WDR38: variants seen among roughly 807,000 people sequenced by gnomAD.
WDR38 encodes WD repeat domain 38.
Under a neutral mutation model 36.6 loss-of-function variants are expected in WDR38, and 37 were observed. The ratio of observed to expected loss-of-function variants is 1.01; its 90% CI spans 0.78 to 1.33. The LOEUF is 1.33. Among genes scored for constraint, WDR38 ranks in the 40% most tolerant of loss-of-function variants. The probability of loss-of-function intolerance (pLI) is 0.00; values close to 1 mark genes in which losing one functional copy is unlikely to be tolerated. For synonymous variants in WDR38, 164 were observed against 168.1 expected (o/e 0.98, Z 0.19); for missense variants, 411 against 414.6 (o/e 0.99, Z 0.07).
Position 124,857,695 on chromosome 9 carries a change from T to A in WDR38, c.*65T>A. ...CTCAGTGGCGCACAGGCATGCCGCT[T>A]CTCCCCACAGACGCAAAGTGACTGT... On this transcript the variant is annotated 3_prime_UTR_variant, in exon 9 of 9. Coordinates refer to ENST00000373574, the MANE Select transcript of WDR38 (RefSeq NM_001045476.3). The A allele has an allele frequency of 6.2e-7, 1 of 1,603,150 alleles. No individual in the cohort carries two copies.
chr9:124,853,831 T>C (rs1022440922), intron 1 of WDR38, among the ~76,000 whole-genome samples: 1 of 152,230 alleles, frequency 6.6e-6, no homozygotes, highest in Non-Finnish European at 1.5e-5. Context: ...AGCCCCGGGC[T>C]CTGGGCTCTG....
chr9:124,856,830 A>G lies in WDR38; in HGVS notation c.717A>G (p.Ile239Met). 6.2e-7 allele frequency: 1 copy of G among 1,614,214 alleles called. No homozygotes were observed. The highest frequency in any genetic ancestry group is 8.5e-7 in the Non-Finnish European group (1 of 1,180,032). Residue 239 changes from isoleucine to methionine, a missense_variant, in exon 7 of 9, where the codon ATA becomes ATG. Transcript: ENST00000373574. ...GCCATGTCACCTGGGTGAAGAGCAT[A>G]GCCTTCTCTCCCGACGAGCTGTGGC... Reference protein sequence around the residue: ...LKGHVTWVKSIAFSPDELWLA... With the variant: ...LKGHVTWVKSMAFSPDELWLA...
At position 124,855,661 on chromosome 9, in the gene WDR38, C is replaced by G. The variant is rs370110373; in HGVS notation, c.218C>G (p.Pro73Arg). The G allele has an allele frequency of 1.2e-6, 2 of 1,611,360 alleles. No individual in the cohort carries two copies. Among genetic ancestry groups the G allele is most frequent in the African/African-American group, 2.7e-5 (2 of 74,532 alleles). The change falls in exon 3 of 9, where the codon CCT (proline) becomes CGT (arginine). Residue 73 changes from proline to arginine, a missense_variant. Transcript: ENST00000373574. ...CCCGTGAAGTTCTGCCGCTTCTCCCCTGATGGCCACCTCTTCGCCAGCGCC... is the reference window on the plus strand; with the variant it reads ...CCCGTGAAGTTCTGCCGCTTCTCCCGTGATGGCCACCTCTTCGCCAGCGCC... ...TGPVKFCRFS[P>R]DGHLFASASC...
At chr9:124,856,178 A>T in intron 4 of WDR38, 62 bp from the exon 5 acceptor site, 1 of 1,605,336 alleles carries the variant, frequency 6.2e-7, no homozygotes, top group Non-Finnish European at 8.5e-7. Context: ...CCTTTCCTGG[A>T]CTGTCAAGGC....
At chr9:124,854,367 G>C (rs370776521) in intron 2 of WDR38, 42 bp downstream of exon 2, 33 of 1,609,192 alleles carry the variant, frequency 2.1e-5, no homozygotes, top group Middle Eastern at 1.7e-4. Context: ...AGGCACAAGG[G>C]TCTGGCATGC....
At chr9:124,856,990 G>A (rs762570768) in intron 7 of WDR38, 109 bp downstream of exon 7, 12 of 1,513,484 alleles carry the variant, frequency 7.9e-6, no homozygotes, top group South Asian at 3.5e-5. Flanking sequence ...TAGCTAGGAG[G>A]GGGCAAGGGC....
Position 124,857,554 on chromosome 9 carries a change from T to TAA in WDR38, c.870_871insAA (p.Val291LysfsTer?). 2.5e-6 allele frequency: 4 copies of TAA among 1,614,180 alleles called. No individual in the cohort carries two copies. Among genetic ancestry groups the TAA allele is most frequent in the Non-Finnish European group, 3.4e-6 (4 of 1,180,026 alleles). Reference sequence around the variant, plus strand: ...GCCTTCACCCCAGATGGGAAAATCTTAGTGTCTGGAGCTGCCGATCAGACT... The same window carrying TAA: ...GCCTTCACCCCAGATGGGAAAATCTTAAAGTGTCTGGAGCTGCCGATCAGACT... On this transcript the variant is annotated frameshift_variant, in exon 9 of 9. Transcript: ENST00000373574. LOFTEE classifies it low-confidence loss of function (END_TRUNC).
chr9:124,857,379 TGCAACACA>T lies in WDR38; in HGVS notation c.786_793del (p.Cys262TrpfsTer5). On this transcript the variant is annotated frameshift_variant, in exon 8 of 9. Coordinates refer to ENST00000373574, the MANE Select transcript of WDR38 (RefSeq NM_001045476.3). LOFTEE classifies it low-confidence loss of function (END_TRUNC). ...CCTTTTCCAGGTCAAAGTCTGGGACTGCAACACAGGAAAGTGCCTTGAGACCCTGAAGG... is the reference window on the plus strand; with the variant it reads ...CCTTTTCCAGGTCAAAGTCTGGGACTGGAAAGTGCCTTGAGACCCTGAAGG... 2 of 1,614,118 alleles carry T rather than the reference TGCAACACA, an allele frequency of 1.2e-6. No homozygotes were observed. Among genetic ancestry groups the T allele is most frequent in the South Asian group, 2.2e-5 (2 of 91,080 alleles).
In WDR38 at chr9:124,856,498, C is replaced by A; in HGVS notation, c.516C>A (p.His172Gln). 6.2e-7 allele frequency: 1 copy of A among 1,612,466 alleles called. No homozygotes were observed. Among genetic ancestry groups the A allele is most frequent in the Non-Finnish European group, 8.5e-7 (1 of 1,179,276 alleles). ...CCGGCTCCTGGGACTCCACCGTACA[C>A]ATCTGGGACCTGCGGATGGTGACCC... Reference protein sequence around the residue: ...LATGSWDSTVHIWDLRMVTPA... With the variant: ...LATGSWDSTVQIWDLRMVTPA... Residue 172 changes from histidine (H) to glutamine (Q), a missense_variant, in exon 6 of 9, where the codon CAC becomes CAA. His to Gln is a conservative substitution (Grantham distance 24, BLOSUM62 0). Coordinates refer to ENST00000373574, the MANE Select transcript of WDR38 (RefSeq NM_001045476.3).
In WDR38 at chr9:124,857,698, C is replaced by A; in HGVS notation, c.*68C>A. On this transcript the variant is annotated 3_prime_UTR_variant, in exon 9 of 9. Transcript: ENST00000373574. ...AGTGGCGCACAGGCATGCCGCTTCT[C>A]CCCACAGACGCAAAGTGACTGTGCT... is the stretch of plus-strand genomic sequence containing the variant. 1 of 1,600,794 alleles carries A rather than the reference C, an allele frequency of 6.2e-7. No homozygotes were observed.
At position 124,857,475 on chromosome 9, in the gene WDR38, TCGAGCCC is replaced by T. The variant is rs1025808743; in HGVS notation, c.817-25_817-19del. The T allele has an allele frequency of 6.2e-7, 1 of 1,613,998 alleles. No individual in the cohort carries two copies. Among genetic ancestry groups the T allele is most frequent in the Non-Finnish European group, 8.5e-7 (1 of 1,180,036 alleles). On this transcript the variant is annotated intron_variant, in intron 8 of 8. Coordinates refer to ENST00000373574, the MANE Select transcript of WDR38 (RefSeq NM_001045476.3). ...AGCTTCTCCCAAGGCAGGACTTGCC[TCGAGCCC>T]CACCTTCTACTCTTAGCAGGGAGTC... is the stretch of plus-strand genomic sequence containing the variant.
At position 124,856,743 on chromosome 9, in the gene WDR38, C is replaced by T; in HGVS notation, c.630C>T (p.Ser210=). The T allele has an allele frequency of 6.2e-7, 1 of 1,614,240 alleles. No individual in the cohort carries two copies. The highest frequency in any genetic ancestry group is 1.1e-5 in the South Asian group (1 of 91,092). ...TGTCTGCTGTCCAGGCATCCGGCTC[C>T]TGGGACAAGACCATCCACATCTGGA... The part of the protein sequence containing the change: ...YSASGLLASG[S]WDKTIHIWKP... Residue 210 remains serine, a synonymous_variant, in exon 7 of 9, where the codon TCC becomes TCT. Coordinates refer to ENST00000373574, the MANE Select transcript of WDR38 (RefSeq NM_001045476.3).
Position 124,857,542 on chromosome 9 carries a change from A to G in WDR38, c.857A>G (p.Asp286Gly). Reference protein sequence around the residue: ...DVAHTCAFTPDGKILVSGAAD... With the variant: ...DVAHTCAFTPGGKILVSGAAD... ...GCCCACACCTGTGCCTTCACCCCAGATGGGAAAATCTTAGTGTCTGGAGCT... is the reference window on the plus strand; with the variant it reads ...GCCCACACCTGTGCCTTCACCCCAGGTGGGAAAATCTTAGTGTCTGGAGCT... Residue 286 changes from aspartate (D) to glycine (G), a missense_variant, in exon 9 of 9, where the codon GAT becomes GGT. Transcript: ENST00000373574. 4.3e-6 allele frequency: 7 copies of G among 1,614,198 alleles called. No individual in the cohort carries two copies. The highest frequency in any genetic ancestry group is 5.9e-6 in the Non-Finnish European group (7 of 1,180,028).
At chr9:124,855,142 G>T (rs1481167155) in intron 2 of WDR38, among the ~76,000 whole-genome samples, 2 of 152,110 alleles carry the variant, frequency 1.3e-5, no homozygotes, top group Non-Finnish European at 2.9e-5. Context: ...CAGCCATGTC[G>T]TGCTTACCAC....
intron 2 of WDR38, among the ~76,000 whole-genome samples, chr9:124,854,566 ATACT>A (rs1301527991): frequency 5.9e-5 from 9 of 152,130 alleles, no homozygotes; most frequent in Non-Finnish European, 1.2e-4. Context: ...TAACACAGTA[ATACT>A]TACTGTTGCA....
At chr9:124,854,419 G>A in intron 2 of WDR38, 94 bp downstream of exon 2, 1 of 1,578,422 alleles carries the variant, frequency 6.3e-7, no homozygotes, top group African/African-American at 1.3e-5. Context: ...CTGGGCACGG[G>A]TGCAAGGCAG....
intron 4 of WDR38, 42 bp downstream of exon 4, chr9:124,856,000 C>G: frequency 6.2e-7 from 1 of 1,612,252 alleles, no homozygotes; most frequent in Non-Finnish European, 8.5e-7. Context: ...GATTCAAGGA[C>G]CAGTTCCAGA....
chr9:124,854,792 C>T (rs1449402005), intron 2 of WDR38, among the ~76,000 whole-genome samples: 4 of 152,174 alleles, frequency 2.6e-5, no homozygotes, highest in African/African-American at 4.8e-5. Context: ...TCTTGAACTC[C>T]TGACCTCGTG....
intron 4 of WDR38, 54 bp from the exon 5 acceptor site, chr9:124,856,186 G>A: frequency 6.2e-7 from 1 of 1,611,410 alleles, no homozygotes; most frequent in Non-Finnish European, 8.5e-7. Context: ...GGACTGTCAA[G>A]GCCAGGTAGC....
Sources: allele counts gnomAD v4.1 joint callset (sites outside exome capture counted in the v4.1 genomes callset), GRCh38; gene constraint gnomAD v4.1.1; transcripts MANE v1.5; gene names NCBI Gene and HGNC (gene_info 2026-07-23, HGNC 2026-07-21).